The following FARS2 variants were observed in gnomAD, a reference collection of about 807,000 sequenced individuals.
The protein encoded by FARS2 is phenylalanyl-tRNA synthetase 2, mitochondrial, also known as phenylalanine--tRNA ligase, mitochondrial.
FARS2 carries 40 observed loss-of-function variants against 46.4 expected under a neutral mutation model. The ratio of observed to expected loss-of-function variants is 0.86; its 90% confidence interval spans 0.67 to 1.12. The LOEUF is 1.12. FARS2 is among the 50% of genes most tolerant of loss of function. The probability of loss-of-function intolerance (pLI) is 0.00; values close to 1 mark genes in which losing one functional copy is unlikely to be tolerated. For synonymous variants in FARS2, 234 were observed against 214.9 expected (o/e 1.09, Z -0.78); for missense variants, 513 against 567.9 (o/e 0.90, Z 0.98).
At chr6:5,524,489 C>G (rs1374239452) in intron 4 of FARS2, among the ~76,000 whole-genome samples, 2 of 152,214 alleles carry the variant, frequency 1.3e-5, no homozygotes, top group Non-Finnish European at 2.9e-5. Flanking sequence ...AGTGAAGATT[C>G]ATAAGACAAA....
intron 4 of FARS2, among the ~76,000 whole-genome samples, chr6:5,502,825 T>A (rs1767878496): frequency 6.6e-6 from 1 of 152,222 alleles, no homozygotes; most frequent in Admixed American, 6.5e-5. Flanking sequence ...TACAAACAGT[T>A]AAGTGATCCT....
chr6:5,293,262 T>A (rs73718046), intron 1 of FARS2, among the ~76,000 whole-genome samples: 4,780 of 150,674 alleles, frequency 0.032, 262 homozygotes, highest in African/African-American at 0.11. Flanking sequence ...TGAAGGGAGG[T>A]TTGTCAAGAG....
At chr6:5,411,377 A>G (rs137972762) in intron 3 of FARS2, among the ~76,000 whole-genome samples, 28 of 152,226 alleles carry the variant, frequency 1.8e-4, no homozygotes, top group Non-Finnish European at 2.9e-4. Context: ...TTCTCTTCCC[A>G]TTCAGTGCCT....
intron 4 of FARS2, among the ~76,000 whole-genome samples, chr6:5,533,175 C>T (rs1291215369): frequency 6.6e-6 from 1 of 152,130 alleles, no homozygotes; most frequent in Non-Finnish European, 1.5e-5. Flanking sequence ...TACAGTAGAA[C>T]TCAGCGAATG....
chr6:5,473,545 CA>C (rs372507372), intron 4 of FARS2, among the ~76,000 whole-genome samples: 36,461 of 141,640 alleles, frequency 0.26, 4,763 homozygotes, highest in South Asian at 0.32. Context: ...AAAAAAAAAA[CA>C]AAAAAAAAAA....
Position 5,610,311 on chromosome 6 carries a change from T to TAAA in FARS2, c.1066-2845_1066-2843dup, listed in dbSNP as rs1554115958. 1.7e-3 allele frequency: 520 copies of TAAA among 297,954 alleles called. 5 individuals are homozygous for TAAA. Among genetic ancestry groups the TAAA allele is most frequent in the African/African-American group, 0.011 (467 of 42,832 alleles). The allele number at this position is 297,954 out of a possible 1,614,324, so 18.5% of individuals were successfully genotyped here. A position where few individuals can be genotyped will look rare whatever the true frequency, so the allele number is the denominator to read the frequency against. On this transcript the variant is annotated intron_variant, in intron 5 of 6. Transcript: ENST00000274680. ...TTTTGATGCCCTTTTCAATTCTTTT[T>TAAA]AAAAAAAAAAAAAAAGAATTATAAA...
At chr6:5,712,677 T>C (rs1229562623) in intron 6 of FARS2, among the ~76,000 whole-genome samples, 1 of 152,226 alleles carries the variant, frequency 6.6e-6, no homozygotes, top group East Asian at 1.9e-4. Context: ...TCATAAAGCC[T>C]GCAGCCTTTC....
At position 5,717,931 on chromosome 6, in the gene FARS2, T is replaced by TAGAGAGAGAGAGAGAGAGAGAGAGAGAG. The variant is rs1175182131; in HGVS notation, c.1218-53359_1218-53358insGAGAGAGAGAGAGAGAGAGAGAGAGAGA. On this transcript the variant is annotated intron_variant, in intron 6 of 6. Coordinates refer to ENST00000274680, the MANE Select transcript of FARS2 (RefSeq NM_006567.5). Reference sequence around the variant, plus strand: ...AGCTATATATATATATATATATATATATATACAGAGTCTCACTCTGTCGCC... The same window carrying TAGAGAGAGAGAGAGAGAGAGAGAGAGAG: ...AGCTATATATATATATATATATATATAGAGAGAGAGAGAGAGAGAGAGAGAGAGATATACAGAGTCTCACTCTGTCGCC... 4.8e-4 allele frequency among the ~76,000 whole-genome samples: 57 copies of TAGAGAGAGAGAGAGAGAGAGAGAGAGAG among 118,534 alleles called. 2 individuals carry two copies. Among genetic ancestry groups the TAGAGAGAGAGAGAGAGAGAGAGAGAGAG allele is most frequent in the African/African-American group, 2.1e-3 (47 of 22,054 alleles). The allele number at this position is 118,534 out of a possible 152,430, so 77.8% of individuals were successfully genotyped here.
intron 6 of FARS2, among the ~76,000 whole-genome samples, chr6:5,631,002 C>T (rs907697716): frequency 6.6e-6 from 1 of 152,194 alleles, no homozygotes; most frequent in African/African-American, 2.4e-5. Flanking sequence ...CTAGAATTGC[C>T]TCCTCCAAAG....
chr6:5,330,720 GTAGT>G (rs1444248158), intron 1 of FARS2, among the ~76,000 whole-genome samples: 1 of 152,178 alleles, frequency 6.6e-6, no homozygotes, highest in African/African-American at 2.4e-5. Context: ...CTCTAATGGG[GTAGT>G]TAAAGTTGAG....
chr6:5,713,708 G>A (rs528998146), intron 6 of FARS2, among the ~76,000 whole-genome samples: 20 of 152,344 alleles, frequency 1.3e-4, no homozygotes, highest in Middle Eastern at 3.4e-3. Context: ...AAGCAGCACC[G>A]CAGAGCTTTC....
At chr6:5,757,378 A>G (rs537687644) in intron 6 of FARS2, among the ~76,000 whole-genome samples, 1 of 152,256 alleles carries the variant, frequency 6.6e-6, no homozygotes, top group Admixed American at 6.5e-5. Flanking sequence ...GTTAGGAGCA[A>G]ATAGCATCAT....
chr6:5,577,028 T>G (rs1773026689), intron 5 of FARS2, among the ~76,000 whole-genome samples: 1 of 152,090 alleles, frequency 6.6e-6, no homozygotes, highest in Non-Finnish European at 1.5e-5. Context: ...CCCATGGAAA[T>G]GTGCGTTATG....
chr6:5,306,206 C>A (rs1183800950), intron 1 of FARS2, among the ~76,000 whole-genome samples: 1 of 152,164 alleles, frequency 6.6e-6, no homozygotes, highest in Non-Finnish European at 1.5e-5. Flanking sequence ...TTCCTCCTTT[C>A]TTTCCAGAAC....
chr6:5,760,306 A>C (rs1762416387), intron 6 of FARS2, among the ~76,000 whole-genome samples: 1 of 152,240 alleles, frequency 6.6e-6, no homozygotes, highest in African/African-American at 2.4e-5. Context: ...CTCCTTGGAT[A>C]GGTGGCTCTT....
At chr6:5,653,064 T>C (rs1252119920) in intron 6 of FARS2, among the ~76,000 whole-genome samples, 1 of 152,222 alleles carries the variant, frequency 6.6e-6, no homozygotes, top group Non-Finnish European at 1.5e-5. Context: ...TTTATTTTTA[T>C]CTCTTCTTAC....
chr6:5,670,367 TTTTACTTACTAAACA>T (rs1228336090), intron 6 of FARS2, among the ~76,000 whole-genome samples: 5 of 152,302 alleles, frequency 3.3e-5, no homozygotes, highest in East Asian at 1.9e-4. Flanking sequence ...TACTAAACAT[TTTTACTTACTAAACA>T]TTTACTTACT....
At chr6:5,337,102 A>G (rs1347223509) in intron 1 of FARS2, among the ~76,000 whole-genome samples, 2 of 150,504 alleles carry the variant, frequency 1.3e-5, no homozygotes, top group African/African-American at 4.9e-5. Context: ...TTTCAACACT[A>G]TTTTGTATGT....
chr6:5,314,237 G>A (rs2127553269), intron 1 of FARS2, among the ~76,000 whole-genome samples: 1 of 152,296 alleles, frequency 6.6e-6, no homozygotes, highest in East Asian at 1.9e-4. Flanking sequence ...GATGGAGGAG[G>A]GAGTGGCAGT....
Sources: allele counts gnomAD v4.1 joint callset (sites outside exome capture counted in the v4.1 genomes callset), GRCh38; gene constraint gnomAD v4.1.1; transcripts MANE v1.5; gene names NCBI Gene and HGNC (gene_info 2026-07-23, HGNC 2026-07-21).